The following CLPP variants were observed in gnomAD, a reference collection of about 807,000 sequenced individuals.
CLPP encodes ATP-dependent Clp protease proteolytic subunit, mitochondrial.
In CLPP, 14 loss-of-function variants were observed where a neutral mutation model predicts 27.4. The observed-to-expected ratio is 0.51, with a 90% CI of 0.34 to 0.80. The LOEUF (loss-of-function observed/expected upper bound fraction) is 0.80, where lower values mean the gene tolerates loss of function less well. Ranked by LOEUF, CLPP falls within the 30% of genes least tolerant of loss-of-function variation. The pLI is 0.02. For missense variants in CLPP, 361 were observed against 403.6 expected, an observed-to-expected ratio of 0.89 and a Z score of 0.90; for synonymous variants, 193 against 166.6, an observed-to-expected ratio of 1.16 and a Z score of -1.22.
Position 6,366,411 on chromosome 19 carries a change from G to A in CLPP, c.661+48G>A, listed in dbSNP as rs755116056. The A allele has an allele frequency of 2.8e-6, 4 of 1,445,090 alleles. No individual in the cohort carries two copies. The Admixed American group carries it at 5.7e-5, about 21-fold the overall frequency. The allele number at this position is 1,445,090 out of a possible 1,614,324, so 89.5% of individuals were successfully genotyped here. ...TCCTGGTCCGTGCACAGACGGACCA[G>A]GCGTTGCTCTAAGCCAGGGCTTCTC... is the stretch of plus-strand genomic sequence containing the variant. On this transcript the variant is annotated intron_variant, in intron 5 of 5. Transcript: ENST00000245816.
rs1432239873 is a variant in CLPP at position 6,361,855 on chromosome 19, C to T, written c.199-14C>T. The T allele has an allele frequency of 6.9e-6, 11 of 1,596,526 alleles. No individual in the cohort carries two copies. Among genetic ancestry groups the T allele is most frequent in the South Asian group, 1.1e-5 (1 of 90,986 alleles). ...GGCTGCCCCGGCCCCTCACCTCCAT[C>T]TTTCTACCCCCAGGGTCGCGGCGAG... On this transcript the variant is annotated splice_polypyrimidine_tract_variant and intron_variant, in intron 1 of 5. Transcript: ENST00000245816.
At chr19:6,365,028 G>A (rs551317078) in intron 4 of CLPP, 163 of 179,464 alleles carry the variant, frequency 9.1e-4, no homozygotes, top group Middle Eastern at 2.8e-3. Context: ...TGGGCCAGCC[G>A]GGAGTGGATG....
intron 3 of CLPP, 84 bp downstream of exon 3, chr19:6,362,626 G>A: frequency 1.0e-6 from 1 of 958,340 alleles, no homozygotes; most frequent in Admixed American, 1.8e-5. Flanking sequence ...GGTCAGGGAT[G>A]TTCTCTCTCT....
rs200070892 is a variant in CLPP, at chr19:6,366,324, A to G, written c.622A>G (p.Ile208Val). The G allele has an allele frequency of 1.1e-5, 17 of 1,612,588 alleles. No individual in the cohort carries two copies. The highest frequency in any genetic ancestry group is 1.4e-5 in the Non-Finnish European group (16 of 1,179,388). The change falls in exon 5 of 6, where the codon ATC becomes GTC. Residue 208 changes from isoleucine to valine, a missense_variant. Transcript: ENST00000245816. ...IMKLKKQLYN[I>V]YAKHTKQSLQ... ...GAAGCTCAAGAAGCAGCTCTATAAC[A>G]TCTACGCCAAGCACACCAAACAGAG...
chr19:6,362,577 C>T (rs2091841383), intron 3 of CLPP, 35 bp downstream of exon 3: 2 of 1,418,424 alleles, frequency 1.4e-6, no homozygotes, highest in African/African-American at 1.4e-5. Flanking sequence ...CAGGGGCACT[C>T]GTCAGGGCAC....
At chr19:6,363,125 ATT>A (rs1555719472) in intron 3 of CLPP, among the ~76,000 whole-genome samples, 9 of 136,500 alleles carry the variant, frequency 6.6e-5, no homozygotes, top group Non-Finnish European at 4.7e-5. Flanking sequence ...TGATGGAGGC[ATT>A]TTTTTTTTTT....
intron 4 of CLPP, among the ~76,000 whole-genome samples, chr19:6,365,554 G>A (rs1475849492): frequency 3.9e-5 from 6 of 152,196 alleles, no homozygotes; most frequent in African/African-American, 1.4e-4. Context: ...TGGGCACAGT[G>A]GCTCACATCT....
At position 6,364,091 on chromosome 19, in the gene CLPP, C is replaced by T. The variant is rs553431110; in HGVS notation, c.368-361C>T. ...TGTCGCCCAGGCTGGAGTGCGGTGG[C>T]GCTATCTCGGCTCACTGCAACCTCC... On this transcript the variant is annotated intron_variant, in intron 3 of 5. Transcript: ENST00000245816. Among the ~76,000 whole-genome samples the T allele has an allele frequency of 1.1e-4, 16 of 142,776 alleles. 1 individual carries two copies. The South Asian group carries it at 1.3e-3, about 12-fold the overall frequency. 93.7% of individuals were successfully genotyped at this position (142,776 alleles called of 152,430 possible). A position where few individuals can be genotyped will look rare whatever the true frequency, so the allele number is the denominator to read the frequency against.
At chr19:6,367,511 T>C (rs2145054401) in intron 5 of CLPP, among the ~76,000 whole-genome samples, 1 of 152,060 alleles carries the variant, frequency 6.6e-6, no homozygotes, top group African/African-American at 2.4e-5. Flanking sequence ...TAATTTATGC[T>C]GTTAGAGGAG....
At chr19:6,362,369 C>G in intron 2 of CLPP, 77 bp from the exon 3 acceptor site, 1 of 1,009,318 alleles carries the variant, frequency 9.9e-7, no homozygotes, top group Non-Finnish European at 1.6e-6. Flanking sequence ...TCCTGGTTCC[C>G]TGACCCATCC....
At chr19:6,363,332 A>G (rs1468715466) in intron 3 of CLPP, among the ~76,000 whole-genome samples, 2 of 151,804 alleles carry the variant, frequency 1.3e-5, no homozygotes, top group African/African-American at 2.4e-5. Context: ...TCACCATGTT[A>G]GGCTGGTCTT....
chr19:6,361,691 G>A lies in CLPP; in HGVS notation c.117G>A (p.Gln39=), dbSNP rs114453881. 265 of 1,494,302 alleles carry A rather than the reference G, an allele frequency of 1.8e-4. No individual in the cohort carries two copies. The African/African-American group carries it at 3.2e-3, about 18-fold the overall frequency. 92.6% of individuals were successfully genotyped at this position (1,494,302 alleles called of 1,614,324 possible). A position where few individuals can be genotyped will look rare whatever the true frequency, so the allele number is the denominator to read the frequency against. ...AGCGGCCGCCGCAGCGGACACTCCAGAACGGCCTGGCCCTGCAGCGGTGCC... is the reference window on the plus strand; with the variant it reads ...AGCGGCCGCCGCAGCGGACACTCCAAAACGGCCTGGCCCTGCAGCGGTGCC... ...PAQRPPQRTL[Q]NGLALQRCLH... Residue 39 remains glutamine (Q), a synonymous_variant, in exon 1 of 6, where the codon CAG becomes CAA. Transcript: ENST00000245816.
chr19:6,364,328 T>G, intron 3 of CLPP, 124 bp from the exon 4 acceptor site: 2 of 865,210 alleles, frequency 2.3e-6, no homozygotes, highest in African/African-American at 1.7e-5. Context: ...CAGCGCCCAG[T>G]CATATTAATT....
rs998655938 is a variant in CLPP at position 6,364,050 on chromosome 19, A to G, written c.368-402A>G. ...TCTTAATTTTTTTTTTTTTTTTTTG[A>G]GATGGAGTCTCGTTCTGTCGCCCAG... On this transcript the variant is annotated intron_variant, in intron 3 of 5. Transcript: ENST00000245816. 1.6e-3 allele frequency among the ~76,000 whole-genome samples: 186 copies of G among 117,674 alleles called. 2 individuals are homozygous for G. Among genetic ancestry groups the G allele is most frequent in the African/African-American group, 7.5e-3 (177 of 23,478 alleles). 77.2% of individuals were successfully genotyped at this position (117,674 alleles called of 152,430 possible).
chr19:6,364,992 G>A, intron 4 of CLPP: 1 of 207,948 alleles, frequency 4.8e-6, no homozygotes, highest in Non-Finnish European at 9.9e-6. Context: ...CCAAAGTGCT[G>A]GAATTACAGG....
At position 6,361,598 on chromosome 19, in the gene CLPP, G is replaced by A; in HGVS notation, c.24G>A (p.Gly8=). Residue 8 remains glycine (G), a synonymous_variant, in exon 1 of 6, where the codon GGG becomes GGA. Coordinates refer to ENST00000245816, the MANE Select transcript of CLPP (RefSeq NM_006012.4). ...GGATGTGGCCCGGAATATTGGTAGG[G>A]GGGGCCCGGGTGGCGTCATGCAGGT... is the stretch of plus-strand genomic sequence containing the variant. MWPGILV[G]GARVASCRYP... 7.1e-7 allele frequency: 1 copy of A among 1,414,032 alleles called. No homozygotes were observed. Among genetic ancestry groups the A allele is most frequent in the Non-Finnish European group, 9.2e-7 (1 of 1,082,746 alleles). The allele number at this position is 1,414,032 out of a possible 1,614,324, so 87.6% of individuals were successfully genotyped here. A position where few individuals can be genotyped will look rare whatever the true frequency, so the allele number is the denominator to read the frequency against.
chr19:6,361,677 C>CA lies in CLPP; in HGVS notation c.104dup (p.Arg36AlafsTer39). The CA allele has an allele frequency of 6.9e-7, 1 of 1,445,522 alleles. No homozygotes were observed. The highest frequency in any genetic ancestry group is 9.1e-7 in the Non-Finnish European group (1 of 1,100,916). 89.5% of individuals were successfully genotyped at this position (1,445,522 alleles called of 1,614,324 possible). A position where few individuals can be genotyped will look rare whatever the true frequency, so the allele number is the denominator to read the frequency against. ...TCACTTTCCAGCGCAGCGGCCGCCG[C>CA]AGCGGACACTCCAGAACGGCCTGGC... On this transcript the variant is annotated frameshift_variant, in exon 1 of 6. Transcript: ENST00000245816. LOFTEE classifies it high-confidence loss of function.
chr19:6,365,016 G>C (rs932185193), intron 4 of CLPP: 2 of 188,168 alleles, frequency 1.1e-5, no homozygotes, highest in African/African-American at 4.8e-5. Context: ...GAGCCACCGC[G>C]CTGGGCCAGC....
chr19:6,364,828 A>G, intron 4 of CLPP, 189 bp downstream of exon 4: 2 of 564,312 alleles, frequency 3.5e-6, no homozygotes, highest in Non-Finnish European at 6.1e-6. Context: ...TCCTGGGTTC[A>G]CGCCATTCTT....
Sources: allele counts gnomAD v4.1 joint callset (sites outside exome capture counted in the v4.1 genomes callset), GRCh38; gene constraint gnomAD v4.1.1; transcripts MANE v1.5; gene names NCBI Gene and HGNC (gene_info 2026-07-23, HGNC 2026-07-21).